BTRC: variants seen among roughly 807,000 people sequenced by gnomAD.
The protein encoded by BTRC is beta-transducin repeat containing E3 ubiquitin protein ligase.
In BTRC, 42 loss-of-function variants were observed where a neutral mutation model predicts 85.5. The ratio of observed to expected loss-of-function variants is 0.49; its 90% CI spans 0.38 to 0.64. The LOEUF is 0.64. Among genes scored for constraint, BTRC ranks in the 30% least tolerant of loss-of-function variants. The pLI, the probability that BTRC is intolerant of heterozygous loss-of-function variation, is 0.00. For synonymous variants in BTRC, 255 were observed against 263.3 expected (o/e 0.97, Z 0.30); for missense variants, 594 against 743.5 (o/e 0.80, Z 2.34).
chr10:101,486,600 G>C (rs940857931), intron 4 of BTRC, among the ~76,000 whole-genome samples: 7 of 152,082 alleles, frequency 4.6e-5, no homozygotes, highest in African/African-American at 1.7e-4. Flanking sequence ...GTGTGAATTA[G>C]TTAAATTTCT....
intron 1 of BTRC, among the ~76,000 whole-genome samples, chr10:101,362,552 C>T (rs1942241895): frequency 6.6e-6 from 1 of 152,100 alleles, no homozygotes; most frequent in Non-Finnish European, 1.5e-5. Context: ...TGCGGCACCA[C>T]ACCCAGCTAA....
chr10:101,532,783 T>TGC (rs1355294635), intron 8 of BTRC, among the ~76,000 whole-genome samples, 169 bp from the exon 9 acceptor site: 2 of 80,046 alleles, frequency 2.5e-5, no homozygotes, highest in African/African-American at 1.0e-4. Context: ...TGTGTGTGTG[T>TGC]GTGTGTGCGC....
intron 1 of BTRC, among the ~76,000 whole-genome samples, chr10:101,396,100 G>A (rs1943355301): frequency 6.6e-6 from 1 of 151,716 alleles, no homozygotes; most frequent in African/African-American, 2.4e-5. Flanking sequence ...GATAACCTTT[G>A]CATACACAAA....
At chr10:101,395,944 A>G (rs1386529585) in intron 1 of BTRC, among the ~76,000 whole-genome samples, 2 of 152,040 alleles carry the variant, frequency 1.3e-5, no homozygotes, top group Admixed American at 6.5e-5. Flanking sequence ...ATATATATTC[A>G]TAGGTATTTT....
intron 4 of BTRC, among the ~76,000 whole-genome samples, chr10:101,507,638 G>A (rs1259840605): frequency 6.6e-6 from 1 of 152,140 alleles, no homozygotes; most frequent in African/African-American, 2.4e-5. Context: ...TGTAATTAGT[G>A]CTGTCATGGA....
intron 1 of BTRC, among the ~76,000 whole-genome samples, chr10:101,365,912 T>A (rs998157587): frequency 6.6e-6 from 1 of 152,214 alleles, no homozygotes; most frequent in Admixed American, 6.5e-5. Flanking sequence ...GCAAGTGTAC[T>A]GGCCAGTGGG....
At chr10:101,393,273 A>G (rs1943282895) in intron 1 of BTRC, among the ~76,000 whole-genome samples, 1 of 152,164 alleles carries the variant, frequency 6.6e-6, no homozygotes, top group Non-Finnish European at 1.5e-5. Flanking sequence ...AATATCCTTC[A>G]TAATAAACCA....
chr10:101,413,874 T>A (rs1589437452), intron 1 of BTRC, among the ~76,000 whole-genome samples: 2 of 152,220 alleles, frequency 1.3e-5, no homozygotes, highest in East Asian at 3.8e-4. Context: ...TCCAATTTTC[T>A]GGTGTAACTT....
intron 1 of BTRC, among the ~76,000 whole-genome samples, chr10:101,379,970 G>A (rs939188742): frequency 6.6e-6 from 1 of 152,052 alleles, no homozygotes; most frequent in Non-Finnish European, 1.5e-5. Flanking sequence ...AAATATCAAA[G>A]CTTTGCAAAG....
intron 1 of BTRC, among the ~76,000 whole-genome samples, chr10:101,428,042 T>C (rs1005195062): frequency 1.3e-5 from 2 of 152,186 alleles, no homozygotes; most frequent in Non-Finnish European, 2.9e-5. Flanking sequence ...TGTTGCCTTC[T>C]CCTTCCAATG....
In BTRC at chr10:101,390,235, C is replaced by T. The variant is rs192981074; in HGVS notation, c.48+36007C>T. Among the ~76,000 whole-genome samples the T allele has an allele frequency of 5.5e-4, 84 of 151,884 alleles. 1 individual carries two copies. The East Asian group carries it at 0.014, about 24-fold the overall frequency. On this transcript the variant is annotated intron_variant, in intron 1 of 14. Coordinates refer to ENST00000370187, the MANE Select transcript of BTRC (RefSeq NM_033637.4). The stretch of plus-strand genomic sequence containing the variant: ...TTGTAAAATAGAAGCTGATGATAAA[C>T]TGCCCATCCTGCTTCCTGGAGTCAT...
At chr10:101,394,101 A>G (rs768185999) in intron 1 of BTRC, among the ~76,000 whole-genome samples, 5 of 152,248 alleles carry the variant, frequency 3.3e-5, no homozygotes, top group Non-Finnish European at 5.9e-5. Flanking sequence ...TTCCATCTCA[A>G]TTCTATTTAG....
Position 101,535,466 on chromosome 10 carries a change from C to G in BTRC, c.1460C>G (p.Thr487Ser), listed in dbSNP as rs2134425274. 1 of 1,606,986 alleles carries G rather than the reference C, an allele frequency of 6.2e-7. No homozygotes were observed. The highest frequency in any genetic ancestry group is 2.2e-5 in the East Asian group (1 of 44,828). Residue 487 changes from threonine (T) to serine (S), a missense_variant, in exon 11 of 15, where the codon ACT becomes AGT. Around this residue, in one of 4 missense-constraint regions of BTRC, gnomAD observed 373 missense variants for 503.6 expected, o/e 0.74. Coordinates refer to ENST00000370187, the MANE Select transcript of BTRC (RefSeq NM_033637.4). ...GTAGTGAGTGGCTCATCTGACAACA[C>G]TATCAGGTGAGCAGCAAGTGCCTTG... Reference protein sequence around the residue: ...RLVVSGSSDNTIRLWDIECGA... With the variant: ...RLVVSGSSDNSIRLWDIECGA...
At chr10:101,455,983 A>AAAACACACACACACACACACAC (rs1554881059) in intron 2 of BTRC, among the ~76,000 whole-genome samples, 1 of 96,044 alleles carries the variant, frequency 1.0e-5, no homozygotes, top group African/African-American at 4.6e-5. Context: ...CTCTACTAAA[A>AAAACACACACACACACACACAC]ACACACACAC....
In BTRC at chr10:101,532,369, A is replaced by G; in HGVS notation, c.915A>G (p.Gly305=). ...ACTGCCGAAGTGAAACAAGCAAAGG[A>G]GTTTACTGTTTACAGTATGATGATC... is the stretch of plus-strand genomic sequence containing the variant. ...RIHCRSETSK[G]VYCLQYDDQK... is the part of the protein sequence containing the mutation. Residue 305 remains glycine, a synonymous_variant, in exon 8 of 15, where the codon GGA becomes GGG. Transcript: ENST00000370187. The G allele has an allele frequency of 6.2e-7, 1 of 1,613,918 alleles. No individual in the cohort carries two copies. Among genetic ancestry groups the G allele is most frequent in the South Asian group, 1.1e-5 (1 of 91,038 alleles).
At chr10:101,367,485 A>T (rs1038029773) in intron 1 of BTRC, among the ~76,000 whole-genome samples, 2 of 152,182 alleles carry the variant, frequency 1.3e-5, no homozygotes, top group Non-Finnish European at 2.9e-5. Context: ...ATATGTACAA[A>T]TAATTATATA....
chr10:101,455,003 T>C (rs1315918502), intron 2 of BTRC, among the ~76,000 whole-genome samples: 1 of 151,944 alleles, frequency 6.6e-6, no homozygotes, highest in Non-Finnish European at 1.5e-5. Context: ...GAAAGACCAT[T>C]ACGACAGTAG....
intron 2 of BTRC, 27 bp from the exon 3 acceptor site, chr10:101,461,954 T>G (rs1377446245): frequency 6.5e-7 from 1 of 1,541,286 alleles, no homozygotes; most frequent in East Asian, 2.3e-5. Flanking sequence ...TAATGAGAAC[T>G]GAATTAAAGC....
chr10:101,403,931 ACT>A (rs1329094356), intron 1 of BTRC, among the ~76,000 whole-genome samples: 2 of 119,524 alleles, frequency 1.7e-5, no homozygotes, highest in Non-Finnish European at 3.5e-5. Context: ...CTTTGCTGGT[ACT>A]CTCTTTCTTT....
Sources: allele counts gnomAD v4.1 joint callset (sites outside exome capture counted in the v4.1 genomes callset), GRCh38; gene constraint gnomAD v4.1.1; regional missense constraint gnomAD v4.1.1; transcripts MANE v1.5; gene names NCBI Gene and HGNC (gene_info 2026-07-23, HGNC 2026-07-21).